Variants in TXLNB observed in about 807,000 individuals in gnomAD.
TXLNB encodes beta-taxilin.
TXLNB carries 37 observed loss-of-function variants against 57.4 expected under a neutral mutation model. That is an observed-to-expected ratio of 0.64 (90% CI 0.50 to 0.85). TXLNB has a LOEUF of 0.85. Among genes scored for constraint, TXLNB ranks in the 40% least tolerant of loss-of-function variants. TXLNB has a pLI of 0.00. For synonymous variants in TXLNB, 302 were observed against 309.6 expected, an observed-to-expected ratio of 0.98 and a Z score of 0.26; for missense variants, 848 against 825.6, an observed-to-expected ratio of 1.03 and a Z score of -0.33.
chr6:139,316,176 A>C, the TXLNB span, among the ~76,000 whole-genome samples: 1 of 152,240 alleles, frequency 6.6e-6, no homozygotes, highest in African/African-American at 2.4e-5. Context: ...GACAAGGGAC[A>C]AAGATTCTTT....
chr6:139,213,401 T>C, the TXLNB span, among the ~76,000 whole-genome samples: 5 of 151,974 alleles, frequency 3.3e-5, no homozygotes, highest in East Asian at 1.9e-4. Flanking sequence ...GAAATGAAGG[T>C]AGAAATAAAG....
the TXLNB span, among the ~76,000 whole-genome samples, chr6:139,160,268 C>G: frequency 5.3e-5 from 8 of 152,308 alleles, no homozygotes; most frequent in African/African-American, 1.4e-4. Flanking sequence ...ACAATGCCAA[C>G]TCTGTGTAAA....
chr6:139,171,473 G>A, the TXLNB span, among the ~76,000 whole-genome samples: 1 of 152,200 alleles, frequency 6.6e-6, no homozygotes, highest in Non-Finnish European at 1.5e-5. Flanking sequence ...TACCAGAGAA[G>A]TTATCATTGC....
chr6:139,203,522 T>C, the TXLNB span: 1 of 152,268 alleles, frequency 6.6e-6, no homozygotes, highest in East Asian at 1.9e-4. Context: ...CTTGAAACAC[T>C]TTCTTCCCTT....
the TXLNB span, among the ~76,000 whole-genome samples, chr6:139,310,848 C>G: frequency 2.6e-5 from 4 of 152,176 alleles, no homozygotes; most frequent in Non-Finnish European, 4.4e-5. Flanking sequence ...GCACTGGCCA[C>G]CATGCCCAGC....
intron 4 of TXLNB, among the ~76,000 whole-genome samples, chr6:139,264,181 G>A (rs1776555214): frequency 6.6e-6 from 1 of 152,130 alleles, no homozygotes; most frequent in Non-Finnish European, 1.5e-5. Context: ...TTATTTCCCT[G>A]AACTTTGTAT....
At position 139,242,395 on chromosome 6, in the gene TXLNB, CATT is replaced by C; in HGVS notation, c.*128_*130del. The C allele has an allele frequency of 1.5e-6, 1 of 686,484 alleles. No homozygotes were observed. The highest frequency in any genetic ancestry group is 2.1e-6 in the Non-Finnish European group (1 of 468,772). 42.5% of individuals were successfully genotyped at this position (686,484 alleles called of 1,614,324 possible). On this transcript the variant is annotated 3_prime_UTR_variant, in exon 10 of 10. Transcript: ENST00000358430. ...GTCTGAATGAATGTGTTCTGCCTAA[CATT>C]AAAAAATGTCTTGATCCTAAGTCTC...
chr6:139,247,691 C>T (rs1776100229), intron 8 of TXLNB, 126 bp downstream of exon 8: 1 of 606,578 alleles, frequency 1.6e-6, no homozygotes. Flanking sequence ...TCATTCCTAC[C>T]TATAAACATT....
At chr6:139,302,942 A>T in the TXLNB span, among the ~76,000 whole-genome samples, 1 of 152,302 alleles carries the variant, frequency 6.6e-6, no homozygotes, top group South Asian at 2.1e-4. Flanking sequence ...TGACAGAGAA[A>T]TATGCAATTA....
At chr6:139,199,373 C>A in the TXLNB span, among the ~76,000 whole-genome samples, 1 of 152,256 alleles carries the variant, frequency 6.6e-6, no homozygotes. Context: ...GTCCTTTTAC[C>A]AGTCAGTCAA....
chr6:139,308,200 CTGTT>C, the TXLNB span, among the ~76,000 whole-genome samples: 4 of 152,160 alleles, frequency 2.6e-5, no homozygotes, highest in Non-Finnish European at 4.4e-5. Context: ...TGTTAAGAAA[CTGTT>C]TGGAGTCACT....
the TXLNB span, among the ~76,000 whole-genome samples, chr6:139,217,759 C>T: frequency 6.6e-6 from 1 of 150,466 alleles, no homozygotes; most frequent in Admixed American, 6.7e-5. Context: ...ATCCCAGCTA[C>T]TCGGGTGGCT....
chr6:139,166,633 C>G, the TXLNB span: 1 of 1,614,144 alleles, frequency 6.2e-7, no homozygotes, highest in Non-Finnish European at 8.5e-7. Flanking sequence ...AGTCTGGCTC[C>G]GAGAAGAACA....
chr6:139,316,702 C>G, the TXLNB span, among the ~76,000 whole-genome samples: 1 of 152,206 alleles, frequency 6.6e-6, no homozygotes, highest in Non-Finnish European at 1.5e-5. Flanking sequence ...TTTTAAAAAA[C>G]AGCTTTTGGA....
At chr6:139,179,399 A>G in the TXLNB span, 1 of 152,218 alleles carries the variant, frequency 6.6e-6, no homozygotes, top group Non-Finnish European at 1.5e-5. Context: ...AACTGCCGTC[A>G]GTGTAGTGTA....
chr6:139,175,263 G>C, the TXLNB span, among the ~76,000 whole-genome samples: 1 of 152,124 alleles, frequency 6.6e-6, no homozygotes, highest in Admixed American at 6.5e-5. Context: ...AGCTTGTTAG[G>C]TAATTCCTTG....
At chr6:139,272,967 G>A (rs2114576013) in intron 3 of TXLNB, among the ~76,000 whole-genome samples, 1 of 152,292 alleles carries the variant, frequency 6.6e-6, no homozygotes, top group Admixed American at 6.5e-5. Context: ...CTGGGAGGCG[G>A]AGGTTGCAGT....
chr6:139,185,553 T>G, the TXLNB span, among the ~76,000 whole-genome samples: 208 of 152,122 alleles, frequency 1.4e-3, 6 homozygotes, highest in South Asian at 0.041. Context: ...TGTGAAAAAT[T>G]AGCCGGACGT....
At chr6:139,224,943 A>G in the TXLNB span, among the ~76,000 whole-genome samples, 5 of 152,336 alleles carry the variant, frequency 3.3e-5, no homozygotes, top group South Asian at 4.1e-4. Context: ...AATCCTAAAC[A>G]AAATACTAGC....
Sources: gnomAD v4.1 joint callset for allele counts (sites outside exome capture counted in the v4.1 genomes callset) on GRCh38, gnomAD v4.1.1 for gene constraint, MANE v1.5 for transcripts, NCBI Gene and HGNC (gene_info 2026-07-23, HGNC 2026-07-21) for gene names.